Variants in PTPRN2 observed in about 807,000 individuals in gnomAD.
PTPRN2 encodes protein tyrosine phosphatase receptor type N2.
In PTPRN2, 74 loss-of-function variants were observed where a neutral mutation model predicts 118.8. The observed-to-expected ratio is 0.62, with a 90% confidence interval of 0.52 to 0.76. The LOEUF (loss-of-function observed/expected upper bound fraction) is 0.76. Among genes scored for constraint, PTPRN2 ranks in the 30% least tolerant of loss-of-function variants. The pLI is 0.00. For synonymous variants in PTPRN2, 641 were observed against 608.0 expected (o/e 1.05, Z -0.80); for missense variants, 1,481 against 1,394.4 (o/e 1.06, Z -0.99).
chr7:158,366,138 C>T (rs1809484659), intron 2 of PTPRN2, among the ~76,000 whole-genome samples: 1 of 144,360 alleles, frequency 6.9e-6, no homozygotes, highest in South Asian at 2.2e-4. Flanking sequence ...TGCACATGCA[C>T]ACACACCCAC....
chr7:158,410,724 T>G (rs1046498639), intron 2 of PTPRN2, among the ~76,000 whole-genome samples: 1 of 152,170 alleles, frequency 6.6e-6, no homozygotes, highest in East Asian at 1.9e-4. Flanking sequence ...TGAAGGACCT[T>G]GAGGTGAGAT....
intron 12 of PTPRN2, among the ~76,000 whole-genome samples, chr7:157,805,017 T>A (rs951207384): frequency 4.6e-5 from 7 of 152,046 alleles, no homozygotes; most frequent in Admixed American, 4.6e-4. Context: ...CAGCGTGGGG[T>A]GGGAGTGCCG....
At chr7:158,147,654 T>TCTTTCCCCCTCAATGACACCCCATCTCAC (rs1820282199) in intron 6 of PTPRN2, among the ~76,000 whole-genome samples, 1 of 32,494 alleles carries the variant, frequency 3.1e-5, no homozygotes, top group African/African-American at 1.3e-4. Flanking sequence ...CCCCATCTCA[T>TCTTTCCCCCTCAATGACACCCCATCTCAC]GCCACGTGTC....
chr7:158,265,801 C>T (rs991377274), intron 3 of PTPRN2, among the ~76,000 whole-genome samples: 9 of 152,184 alleles, frequency 5.9e-5, no homozygotes, highest in African/African-American at 1.4e-4. Flanking sequence ...GGCCAGAGGC[C>T]GCCTGGCTCC....
At chr7:157,713,168 C>G (rs977804408) in intron 12 of PTPRN2, among the ~76,000 whole-genome samples, 2 of 151,990 alleles carry the variant, frequency 1.3e-5, no homozygotes, top group Admixed American at 6.6e-5. Flanking sequence ...TTGGGCAGGG[C>G]TCTTCTGGTG....
At chr7:158,344,264 G>A (rs1019515634) in intron 2 of PTPRN2, among the ~76,000 whole-genome samples, 2 of 152,132 alleles carry the variant, frequency 1.3e-5, no homozygotes, top group African/African-American at 4.8e-5. Context: ...GACCAGGCTC[G>A]GGAAGAGCTG....
chr7:157,658,299 A>G (rs181346684), intron 13 of PTPRN2, among the ~76,000 whole-genome samples: 173 of 152,298 alleles, frequency 1.1e-3, no homozygotes, highest in Admixed American at 2.2e-3. Context: ...TTCCAAAGCA[A>G]TGTCCAAGAG....
chr7:158,172,755 C>T (rs1823821789), intron 5 of PTPRN2, among the ~76,000 whole-genome samples: 1 of 150,232 alleles, frequency 6.7e-6, no homozygotes, highest in Admixed American at 6.6e-5. Flanking sequence ...GGATCCCCAC[C>T]ATCATCTTCA....
intron 3 of PTPRN2, among the ~76,000 whole-genome samples, chr7:158,271,123 T>TCCACCTGGACCACCCCC (rs1798490124): frequency 1.2e-5 from 1 of 86,140 alleles, no homozygotes; most frequent in African/African-American, 4.2e-5. Flanking sequence ...GACCACCCCC[T>TCCACCTGGACCACCCCC]CCACCTGGGG....
intron 3 of PTPRN2, among the ~76,000 whole-genome samples, chr7:158,243,541 G>A (rs1481889106): frequency 1.3e-5 from 2 of 152,202 alleles, no homozygotes; most frequent in African/African-American, 4.8e-5. Flanking sequence ...CCAGAACGCT[G>A]TCCCAGCCAA....
At chr7:157,626,684 C>T (rs1265620338) in intron 14 of PTPRN2, among the ~76,000 whole-genome samples, 2 of 152,204 alleles carry the variant, frequency 1.3e-5, no homozygotes, top group African/African-American at 2.4e-5. Context: ...GACTGTGTTT[C>T]AGCTGCTCAG....
chr7:157,719,704 G>A (rs748401116), intron 12 of PTPRN2, among the ~76,000 whole-genome samples: 14 of 152,198 alleles, frequency 9.2e-5, no homozygotes, highest in East Asian at 7.7e-4. Context: ...GGCTCGGCCC[G>A]CGGGACAAGG....
chr7:158,149,546 G>T (rs1429029818), intron 6 of PTPRN2, among the ~76,000 whole-genome samples: 1 of 152,124 alleles, frequency 6.6e-6, no homozygotes, highest in Non-Finnish European at 1.5e-5. Context: ...GCTCATGCCT[G>T]TAATCCCAGC....
chr7:158,251,521 G>A, intron 3 of PTPRN2, among the ~76,000 whole-genome samples: 1 of 148,276 alleles, frequency 6.7e-6, no homozygotes, highest in African/African-American at 2.5e-5. Context: ...GGATGTATAT[G>A]GTGCATGTGG....
chr7:158,524,878 G>C (rs1229414256), intron 1 of PTPRN2, among the ~76,000 whole-genome samples: 1 of 152,110 alleles, frequency 6.6e-6, no homozygotes, highest in African/African-American at 2.4e-5. Context: ...TATTTGGTTG[G>C]AAAGATCCAT....
chr7:158,141,059 G>A (rs115526957), intron 6 of PTPRN2, among the ~76,000 whole-genome samples: 13 of 151,772 alleles, frequency 8.6e-5, no homozygotes, highest in Middle Eastern at 3.2e-3. Context: ...GGGGGGTCCC[G>A]CTGCCACCCT....
At position 157,813,777 on chromosome 7, in the gene PTPRN2, C is replaced by T. The variant is rs1219842128; in HGVS notation, c.1788+84896G>A. 6.6e-6 allele frequency among the ~76,000 whole-genome samples: 1 copy of T among 152,222 alleles called. No individual in the cohort carries two copies. The highest frequency in any genetic ancestry group is 1.5e-5 in the Non-Finnish European group (1 of 68,042). On this transcript the variant is annotated intron_variant, in intron 12 of 22. Transcript: ENST00000389418. This position sits in a 1 kb window ranked among gnomAD's most constrained non-coding sequence, Gnocchi z 4.7. ...TCTACACAGCACGCATTCCTTACCC[C>T]GGTGGTTTTCATCTGGACCCTGAGT...
intron 12 of PTPRN2, among the ~76,000 whole-genome samples, chr7:157,876,132 G>A (rs1424815735): frequency 1.3e-5 from 2 of 152,186 alleles, no homozygotes; most frequent in Non-Finnish European, 2.9e-5. Flanking sequence ...TGCAGTCCAC[G>A]CTCACCCTCC....
intron 2 of PTPRN2, among the ~76,000 whole-genome samples, chr7:158,318,697 C>T (rs62479657): frequency 0.32 from 48,040 of 152,206 alleles, 8,100 homozygotes; most frequent in Middle Eastern, 0.43. Flanking sequence ...AGAGCAGTGA[C>T]GGTGCCGGCT....
Sources: gnomAD v4.1 joint callset for allele counts (sites outside exome capture counted in the v4.1 genomes callset) on GRCh38, gnomAD v4.1.1 for gene constraint, Gnocchi (gnomAD v3.1) non-coding constraint, MANE v1.5 for transcripts, NCBI Gene and HGNC (gene_info 2026-07-23, HGNC 2026-07-21) for gene names.